NFIB: variants seen among roughly 807,000 people sequenced by gnomAD.
NFIB encodes nuclear factor 1 B-type.
A neutral mutation model predicts 61.5 loss-of-function variants in NFIB; 11 were observed. The ratio of observed to expected loss-of-function variants is 0.18; its 90% CI spans 0.11 to 0.30. The LOEUF (loss-of-function observed/expected upper bound fraction) is 0.30, where lower values mean the gene tolerates loss of function less well. Ranked by LOEUF, NFIB falls within the 10% of genes least tolerant of loss-of-function variation. The probability of loss-of-function intolerance (pLI) is 1.00; values close to 1 mark genes in which losing one functional copy is unlikely to be tolerated. For missense variants in NFIB, 471 were observed against 608.9 expected, an observed-to-expected ratio of 0.77 and a Z score of 2.38; for synonymous variants, 260 against 216.5, an observed-to-expected ratio of 1.20 and a Z score of -1.76.
At chr9:14,457,995 G>A in the NFIB span, among the ~76,000 whole-genome samples, 2 of 152,128 alleles carry the variant, frequency 1.3e-5, no homozygotes, top group African/African-American at 4.8e-5. Flanking sequence ...GAAAAAGAGG[G>A]AATCCTCCCT....
chr9:14,253,632 A>T (rs980263200), intron 2 of NFIB, among the ~76,000 whole-genome samples: 1 of 151,960 alleles, frequency 6.6e-6, no homozygotes, highest in Admixed American at 6.5e-5. Context: ...GGAGTTAGGG[A>T]CCACTCTGGG....
the NFIB span, among the ~76,000 whole-genome samples, chr9:14,457,536 G>A: frequency 6.7e-6 from 1 of 148,552 alleles, no homozygotes; most frequent in Non-Finnish European, 1.5e-5. Context: ...AGGAGACAGA[G>A]ACACAAAAAA....
At chr9:14,117,098 A>G (rs910846266) in intron 8 of NFIB, among the ~76,000 whole-genome samples, 3 of 152,218 alleles carry the variant, frequency 2.0e-5, no homozygotes, top group Non-Finnish European at 4.4e-5. Context: ...AAGATTTCCA[A>G]AGTAAATTAA....
chr9:14,134,106 G>A (rs181164014), intron 6 of NFIB, among the ~76,000 whole-genome samples: 1 of 152,252 alleles, frequency 6.6e-6, no homozygotes, highest in East Asian at 1.9e-4. Context: ...AAAAAGAGGT[G>A]CATGGGTAAA....
the NFIB span, among the ~76,000 whole-genome samples, chr9:14,433,774 G>A: frequency 2.6e-5 from 4 of 152,166 alleles, no homozygotes; most frequent in Non-Finnish European, 5.9e-5. Flanking sequence ...CAGGATTAGT[G>A]CATTAATAAA....
At chr9:14,114,756 C>G (rs962739442) in intron 9 of NFIB, among the ~76,000 whole-genome samples, 1 of 152,110 alleles carries the variant, frequency 6.6e-6, no homozygotes, top group Non-Finnish European at 1.5e-5. Context: ...TTAATAACAC[C>G]ACAAGAGTAG....
intron 2 of NFIB, among the ~76,000 whole-genome samples, chr9:14,214,201 G>A (rs1226142458): frequency 6.6e-6 from 1 of 152,120 alleles, no homozygotes; most frequent in African/African-American, 2.4e-5. Flanking sequence ...ATCCCTGAAT[G>A]AGGCACCAAC....
rs546294690 is a variant in NFIB at position 14,157,526 on chromosome 9, A to G, written c.617-1633T>C. ...TGAAAAATATATATACATTTTTAAG[A>G]GTATTATAACAAAATGTCCCAATTT... is the stretch of plus-strand genomic sequence containing the variant. On this transcript the variant is annotated intron_variant, in intron 3 of 10. Coordinates refer to ENST00000380953, the MANE Select transcript of NFIB (RefSeq NM_001190737.2). Among the ~76,000 whole-genome samples the G allele has an allele frequency of 3.3e-5, 5 of 152,336 alleles. No individual in the cohort carries two copies. In the East Asian group the frequency reaches 9.6e-4, roughly 29 times the overall value.
the NFIB span, among the ~76,000 whole-genome samples, chr9:14,512,133 A>C: frequency 1.3e-5 from 2 of 152,102 alleles, no homozygotes; most frequent in East Asian, 1.9e-4. Context: ...GTATTTTCTA[A>C]CTCTGGGTTT....
chr9:14,344,890 A>C lies in NFIB; in HGVS notation c.109-37370T>G, dbSNP rs76281402. ...CATAGCCATCAAGATTAGAAATACA[A>C]TCTTGAGGGTTTAAATAACCAGCAG... On this transcript the variant is annotated intron_variant, in intron 1 of 8. Coordinates refer to the NFIB transcript ENST00000380934. 4.4e-4 allele frequency among the ~76,000 whole-genome samples: 67 copies of C among 152,312 alleles called. 2 individuals carry two copies. The Middle Eastern group carries it at 0.037, about 85-fold the overall frequency.
the NFIB span, among the ~76,000 whole-genome samples, chr9:14,406,705 G>A: frequency 1.3e-5 from 2 of 152,254 alleles, no homozygotes; most frequent in East Asian, 1.9e-4. Context: ...CAGAAGTGAC[G>A]GAGGCTGCTT....
intron 5 of NFIB, among the ~76,000 whole-genome samples, chr9:14,147,080 C>G (rs904239835): frequency 6.6e-6 from 1 of 152,122 alleles, no homozygotes; most frequent in Admixed American, 6.5e-5. Flanking sequence ...AAAAATTCCA[C>G]TAATAAAAAG....
the NFIB span, among the ~76,000 whole-genome samples, chr9:14,426,069 T>C: frequency 1.3e-5 from 2 of 152,132 alleles, no homozygotes; most frequent in Non-Finnish European, 2.9e-5. Flanking sequence ...TGGAAATGCG[T>C]TGGAGATGGA....
the NFIB span, among the ~76,000 whole-genome samples, chr9:14,427,236 C>T: frequency 2.0e-5 from 3 of 152,116 alleles, no homozygotes; most frequent in Non-Finnish European, 4.4e-5. Flanking sequence ...ACTCTCTTTA[C>T]TCATCTTTAT....
At chr9:14,226,470 C>T (rs142367547) in intron 2 of NFIB, among the ~76,000 whole-genome samples, 1 of 151,268 alleles carries the variant, frequency 6.6e-6, no homozygotes, top group Non-Finnish European at 1.5e-5. Context: ...ATCTCTTGAA[C>T]GCATGCGGTG....
At chr9:14,114,434 C>T (rs1160621190) in intron 9 of NFIB, among the ~76,000 whole-genome samples, 1 of 152,106 alleles carries the variant, frequency 6.6e-6, no homozygotes, top group Non-Finnish European at 1.5e-5. Context: ...GACCATAGTA[C>T]TATATCAATT....
At chr9:14,407,302 TA>T in the NFIB span, among the ~76,000 whole-genome samples, 1 of 152,208 alleles carries the variant, frequency 6.6e-6, no homozygotes, top group African/African-American at 2.4e-5. Context: ...GAGTCAATAA[TA>T]AAGTCCATAA....
intron 1 of NFIB, among the ~76,000 whole-genome samples, chr9:14,397,973 G>C (rs770187433): frequency 1.3e-5 from 2 of 152,006 alleles, no homozygotes; most frequent in Non-Finnish European, 2.9e-5. Context: ...TGTAGTAATG[G>C]CCTCCATTCA....
At chr9:14,212,482 A>C (rs1344023276) in intron 2 of NFIB, among the ~76,000 whole-genome samples, 1 of 152,222 alleles carries the variant, frequency 6.6e-6, no homozygotes, top group African/African-American at 2.4e-5. Flanking sequence ...AATTAAAACA[A>C]GGTTAGAAAA....
Sources: gnomAD v4.1 joint callset for allele counts (sites outside exome capture counted in the v4.1 genomes callset) on GRCh38, gnomAD v4.1.1 for gene constraint, MANE v1.5 for transcripts, NCBI Gene and HGNC (gene_info 2026-07-23, HGNC 2026-07-21) for gene names.